Variants in EFCAB6 observed in about 807,000 individuals in gnomAD.
EFCAB6 encodes EF-hand calcium binding domain 6.
Under a neutral mutation model 169.8 loss-of-function variants are expected in EFCAB6, and 156 were observed. That is an observed-to-expected ratio of 0.92 (90% confidence interval 0.81 to 1.05). The LOEUF (loss-of-function observed/expected upper bound fraction) is 1.05. Among genes scored for constraint, EFCAB6 ranks in the 50% least tolerant of loss-of-function variants. EFCAB6 has a pLI of 0.00. For synonymous variants in EFCAB6, 698 were observed against 676.4 expected (o/e 1.03, Z -0.50); for missense variants, 1,800 against 1,829.1 (o/e 0.98, Z 0.29).
At chr22:43,811,315 C>A (rs557481146) in intron 1 of EFCAB6, among the ~76,000 whole-genome samples, 1 of 66,824 alleles carries the variant, frequency 1.5e-5, no homozygotes, top group South Asian at 7.1e-4. Context: ...GGGAGGGGAG[C>A]GGAGGGGAAG....
intron 22 of EFCAB6, among the ~76,000 whole-genome samples, chr22:43,603,492 T>G (rs1433430388): frequency 6.6e-6 from 1 of 152,256 alleles, no homozygotes; most frequent in East Asian, 1.9e-4. Flanking sequence ...ACAATCAGAT[T>G]ACTCTACCCA....
At chr22:43,724,872 C>T (rs940895759) in intron 8 of EFCAB6, among the ~76,000 whole-genome samples, 13 of 152,232 alleles carry the variant, frequency 8.5e-5, no homozygotes, top group Non-Finnish European at 1.8e-4. Flanking sequence ...AAAGTTGCTT[C>T]CACATTTCCA....
At chr22:43,682,136 G>A (rs1191845783) in intron 12 of EFCAB6, among the ~76,000 whole-genome samples, 1 of 152,114 alleles carries the variant, frequency 6.6e-6, no homozygotes, top group African/African-American at 2.4e-5. Flanking sequence ...CTCCGTAGTG[G>A]GGTGCATGGT....
chr22:43,667,092 C>G lies in EFCAB6; in HGVS notation c.1983+12G>C. The G allele has an allele frequency of 1.2e-6, 2 of 1,609,390 alleles. No individual in the cohort carries two copies. The highest frequency in any genetic ancestry group is 1.7e-6 in the Non-Finnish European group (2 of 1,177,748). On this transcript the variant is annotated intron_variant, in intron 17 of 31. Coordinates refer to ENST00000262726, the MANE Select transcript of EFCAB6 (RefSeq NM_022785.4). ...CTGCAGGATAGAAACAAAGAGAAACCCATTCTCCTACCTTCTTAAAGTCAT... is the reference window on the plus strand; with the variant it reads ...CTGCAGGATAGAAACAAAGAGAAACGCATTCTCCTACCTTCTTAAAGTCAT...
intron 19 of EFCAB6, among the ~76,000 whole-genome samples, chr22:43,627,945 A>G (rs934863910): frequency 6.6e-6 from 1 of 152,210 alleles, no homozygotes; most frequent in Non-Finnish European, 1.5e-5. Flanking sequence ...TGAATTTAAA[A>G]GATGCCGCCC....
chr22:43,590,719 G>A (rs1165156911), intron 23 of EFCAB6, among the ~76,000 whole-genome samples: 8 of 150,848 alleles, frequency 5.3e-5, no homozygotes, highest in Admixed American at 4.0e-4. Flanking sequence ...GGTACAGCAC[G>A]GTGGGACAGT....
intron 2 of EFCAB6, chr22:43,802,501 A>T (rs1050366638): frequency 3.2e-6 from 1 of 313,732 alleles, no homozygotes; most frequent in Non-Finnish European, 6.2e-6. Flanking sequence ...ACTGCACTTC[A>T]ACCTGGGTGA....
At chr22:43,600,914 C>T (rs2052469868) in intron 22 of EFCAB6, among the ~76,000 whole-genome samples, 1 of 152,194 alleles carries the variant, frequency 6.6e-6, no homozygotes, top group South Asian at 2.1e-4. Flanking sequence ...CCGCCGGCTT[C>T]GGCCTCCCAA....
Position 43,673,139 on chromosome 22 carries a change from T to C in EFCAB6, c.1420-834A>G, listed in dbSNP as rs189926618. 9.1e-4 allele frequency among the ~76,000 whole-genome samples: 138 copies of C among 152,276 alleles called. No individual in the cohort carries two copies. In the Middle Eastern group the frequency reaches 0.01, roughly 11 times the overall value. ...GTACATTTGGATACTATTTGACAATTTGATAATTTACAGACTCTACAGCAA... is the reference window on the plus strand; with the variant it reads ...GTACATTTGGATACTATTTGACAATCTGATAATTTACAGACTCTACAGCAA... On this transcript the variant is annotated intron_variant, in intron 13 of 31. Transcript: ENST00000262726.
intron 3 of EFCAB6, among the ~76,000 whole-genome samples, chr22:43,781,424 A>C (rs1380438196): frequency 6.6e-6 from 1 of 152,158 alleles, no homozygotes; most frequent in Non-Finnish European, 1.5e-5. Flanking sequence ...CCAGGGCCTA[A>C]GCCATCTTCC....
chr22:43,782,307 C>G lies in EFCAB6; in HGVS notation c.12G>C (p.Met4Ile). Residue 4 changes from methionine (M) to isoleucine (I), a missense_variant, in exon 3 of 32, where the codon ATG (methionine) becomes ATC (isoleucine). Physicochemically the swap from Met to Ile is conservative, Grantham distance 10. Coordinates refer to ENST00000262726, the MANE Select transcript of EFCAB6 (RefSeq NM_022785.4). ...ACCTAAGCCAGTCTGGTATAATCGC[C>G]ATTTTGCACATTAAATCCCTGTGAT... MCK[M>I]AIIPDWLRSH... The G allele has an allele frequency of 6.2e-7, 1 of 1,613,004 alleles. No individual in the cohort carries two copies. The highest frequency in any genetic ancestry group is 8.5e-7 in the Non-Finnish European group (1 of 1,179,730).
At chr22:43,717,095 T>G in intron 8 of EFCAB6, 123 bp from the exon 9 acceptor site, 1 of 1,232,826 alleles carries the variant, frequency 8.1e-7, no homozygotes, top group East Asian at 2.8e-5. Context: ...AAGAAAATGA[T>G]GAACCATCTG....
intron 16 of EFCAB6, 131 bp from the exon 17 acceptor site, chr22:43,667,403 A>G: frequency 2.5e-6 from 3 of 1,185,122 alleles, no homozygotes; most frequent in East Asian, 4.8e-5. Flanking sequence ...CTAGCTGGGA[A>G]GGGTGGAGTG....
intron 21 of EFCAB6, among the ~76,000 whole-genome samples, chr22:43,609,220 A>G (rs914524604): frequency 9.2e-5 from 14 of 152,234 alleles, no homozygotes; most frequent in African/African-American, 3.1e-4. Flanking sequence ...TGCAAGTATG[A>G]TACTTAATAG....
intron 3 of EFCAB6, among the ~76,000 whole-genome samples, chr22:43,776,298 AATGTCGT>A (rs1199640685): frequency 6.6e-6 from 1 of 152,178 alleles, no homozygotes; most frequent in Non-Finnish European, 1.5e-5. Flanking sequence ...TCATTCGAAA[AATGTCGT>A]ATGTCAACAA....
At chr22:43,802,530 C>CA (rs34477562) in intron 2 of EFCAB6, 120,311 of 297,672 alleles carry the variant, frequency 0.4, 16,140 homozygotes, top group African/African-American at 0.45. Context: ...GACTCTATCT[C>CA]AAAAAAAAAA....
At chr22:43,696,141 A>C (rs1272970909) in intron 10 of EFCAB6, among the ~76,000 whole-genome samples, 5 of 152,170 alleles carry the variant, frequency 3.3e-5, no homozygotes, top group Non-Finnish European at 4.4e-5. Flanking sequence ...AAATGGAAAA[A>C]TGATTTGTAC....
At chr22:43,574,349 G>C (rs1242822155) in intron 26 of EFCAB6, among the ~76,000 whole-genome samples, 2 of 151,918 alleles carry the variant, frequency 1.3e-5, no homozygotes, top group African/African-American at 4.8e-5. Flanking sequence ...GTAGTGCATA[G>C]AAAGAACACC....
At chr22:43,680,623 T>C (rs1012433498) in intron 12 of EFCAB6, among the ~76,000 whole-genome samples, 12 of 152,216 alleles carry the variant, frequency 7.9e-5, no homozygotes, top group Non-Finnish European at 5.9e-5. Flanking sequence ...TTACTTTCCT[T>C]TAACAATGTT....
Sources: gnomAD v4.1 joint callset for allele counts (sites outside exome capture counted in the v4.1 genomes callset) on GRCh38, gnomAD v4.1.1 for gene constraint, MANE v1.5 for transcripts, NCBI Gene and HGNC (gene_info 2026-07-23, HGNC 2026-07-21) for gene names.